Variants in KDM6A observed in about 807,000 individuals in gnomAD.
KDM6A encodes the protein lysine-specific demethylase 6A.
Under a neutral mutation model 117.6 loss-of-function variants are expected in KDM6A, and 11 were observed. The ratio of observed to expected loss-of-function variants is 0.09; its 90% CI spans 0.06 to 0.15. The LOEUF is 0.15. Ranked by LOEUF, KDM6A falls within the 10% of genes least tolerant of loss-of-function variation. The pLI is 1.00. For synonymous variants in KDM6A, 384 were observed against 396.1 expected (o/e 0.97, Z 0.36); for missense variants, 799 against 1,077.3 (o/e 0.74, Z 3.62).
chrX:45,085,264 T>C (rs1227394705), intron 24 of KDM6A, among the ~76,000 whole-genome samples: 1 of 111,883 alleles, frequency 8.9e-6, no homozygotes, highest in Non-Finnish European at 1.9e-5. Context: ...TAATAGCTAA[T>C]ATTTATTGCT....
chrX:45,089,311 G>C (rs1189942947), intron 25 of KDM6A, among the ~76,000 whole-genome samples: 1 of 110,881 alleles, frequency 9.0e-6, no homozygotes, highest in African/African-American at 3.3e-5. Flanking sequence ...CGGATCTCCT[G>C]AGGTCAGGAG....
At chrX:45,070,513 G>A (rs2044771806) in intron 18 of KDM6A, among the ~76,000 whole-genome samples, 156 bp downstream of exon 18, 1 of 111,759 alleles carries the variant, frequency 8.9e-6, no homozygotes, top group African/African-American at 3.3e-5. Context: ...CTTAGATGTT[G>A]TAGTCAAATC....
chrX:44,885,798 G>C (rs1261910868), intron 2 of KDM6A, among the ~76,000 whole-genome samples: 2 of 109,443 alleles, frequency 1.8e-5, no homozygotes, highest in Non-Finnish European at 3.8e-5. Flanking sequence ...CTTGAACCCA[G>C]AGGCAGAGTT....
chrX:44,914,782 C>G (rs1442787431), intron 2 of KDM6A, among the ~76,000 whole-genome samples: 1 of 110,271 alleles, frequency 9.1e-6, no homozygotes, highest in East Asian at 2.8e-4. Flanking sequence ...AGTATACTTT[C>G]TTGAGTGGTT....
chrX:45,063,011 G>A (rs781473041), intron 16 of KDM6A, among the ~76,000 whole-genome samples: 3 of 111,244 alleles, frequency 2.7e-5, no homozygotes, highest in Non-Finnish European at 5.7e-5. Flanking sequence ...ACATTATTTA[G>A]TACTGAGGCA....
intron 2 of KDM6A, among the ~76,000 whole-genome samples, chrX:44,945,952 A>G (rs2037603529): frequency 8.9e-6 from 1 of 112,372 alleles, no homozygotes; most frequent in African/African-American, 3.2e-5. Context: ...GAGCAGGGCT[A>G]CCACCTAGTG....
chrX:44,993,640 C>T (rs1030462918), intron 4 of KDM6A, among the ~76,000 whole-genome samples: 2 of 111,326 alleles, frequency 1.8e-5, no homozygotes, highest in Non-Finnish European at 1.9e-5. Context: ...AAGCTCTCCT[C>T]GCGGATCACG....
intron 17 of KDM6A, among the ~76,000 whole-genome samples, chrX:45,067,644 C>CTTTTTTT (rs1267780901): frequency 6.7e-5 from 6 of 90,055 alleles, no homozygotes; most frequent in African/African-American, 1.6e-4. Context: ...TGGTGTGTAT[C>CTTTTTTT]TTTTTTTTGT....
intron 2 of KDM6A, among the ~76,000 whole-genome samples, chrX:44,922,028 C>CTTTTTTT: frequency 2.4e-5 from 1 of 41,645 alleles, no homozygotes; most frequent in Non-Finnish European, 4.1e-5. Flanking sequence ...TTGTGTGTGC[C>CTTTTTTT]TTTTTTTTTT....
intron 2 of KDM6A, among the ~76,000 whole-genome samples, chrX:44,926,145 A>G (rs1050471119): frequency 2.0e-5 from 2 of 101,397 alleles, no homozygotes; most frequent in African/African-American, 7.4e-5. Context: ...ATCCCAGCTC[A>G]CTGCAGCCTC....
intron 4 of KDM6A, among the ~76,000 whole-genome samples, chrX:44,996,974 G>A (rs1047194441): frequency 1.8e-5 from 2 of 111,559 alleles, no homozygotes; most frequent in African/African-American, 6.5e-5. Context: ...GGTGTGGCTC[G>A]CTTCTTCAGT....
At chrX:44,915,455 C>T (rs2035490901) in intron 2 of KDM6A, among the ~76,000 whole-genome samples, 2 of 112,021 alleles carry the variant, frequency 1.8e-5, no homozygotes, top group South Asian at 7.3e-4. Context: ...TAAGAAATAT[C>T]TGCTGTCATG....
chrX:45,045,851 C>T (rs960722859), intron 8 of KDM6A, among the ~76,000 whole-genome samples: 11 of 111,196 alleles, frequency 9.9e-5, no homozygotes, highest in African/African-American at 3.3e-4. Flanking sequence ...TGTTAGAGTT[C>T]CTGCTTTCAG....
At chrX:44,911,324 G>T (rs1250836512) in intron 2 of KDM6A, among the ~76,000 whole-genome samples, 2 of 108,430 alleles carry the variant, frequency 1.8e-5, no homozygotes, top group African/African-American at 6.7e-5. Flanking sequence ...GCGGCTGCCG[G>T]GCGGAGGGAC....
intron 4 of KDM6A, among the ~76,000 whole-genome samples, chrX:44,994,477 T>C (rs2040771063): frequency 8.9e-6 from 1 of 112,248 alleles, no homozygotes; most frequent in Non-Finnish European, 1.9e-5. Context: ...TCAAGGTGTA[T>C]ATATACCACG....
intron 2 of KDM6A, among the ~76,000 whole-genome samples, chrX:44,904,696 A>T (rs914664696): frequency 3.6e-5 from 4 of 111,821 alleles, no homozygotes; most frequent in African/African-American, 9.8e-5. Flanking sequence ...TGAGGCTTTG[A>T]TGGAGCTTCA....
intron 2 of KDM6A, among the ~76,000 whole-genome samples, chrX:44,933,150 T>G (rs908811295): frequency 2.7e-5 from 3 of 109,874 alleles, no homozygotes; most frequent in African/African-American, 1.0e-4. Context: ...CCTCCCAAAG[T>G]GCTGGGATTA....
intron 2 of KDM6A, among the ~76,000 whole-genome samples, chrX:44,927,129 G>A (rs2036352759): frequency 9.0e-6 from 1 of 111,017 alleles, no homozygotes; most frequent in African/African-American, 3.3e-5. Flanking sequence ...GGCCAGTAAT[G>A]TTTCTTTTTC....
rs767222693 is a variant in KDM6A, at chrX:44,957,279, C to T, written c.226-4005C>T. The stretch of plus-strand genomic sequence containing the variant: ...ACCATTTGTAGTCACCCAGCTACTG[C>T]AGTTAATCTTTTAAGTTGAAAAGAA... On this transcript the variant is annotated intron_variant, in intron 2 of 29. Transcript: ENST00000611820. Among the ~76,000 whole-genome samples, 3 of 112,286 alleles carry T rather than the reference C, an allele frequency of 2.7e-5. 1 individual carries two copies. The South Asian group carries it at 1.1e-3, about 41-fold the overall frequency.
Sources: allele counts gnomAD v4.1 joint callset (sites outside exome capture counted in the v4.1 genomes callset), GRCh38; gene constraint gnomAD v4.1.1; transcripts MANE v1.5; gene names NCBI Gene and HGNC (gene_info 2026-07-23, HGNC 2026-07-21).